PIWIL4: variants seen among roughly 807,000 people sequenced by gnomAD.
PIWIL4 encodes piwi like RNA-mediated gene silencing 4.
Under a neutral mutation model 100.9 loss-of-function variants are expected in PIWIL4, and 50 were observed. The observed-to-expected ratio is 0.50, with a 90% CI of 0.39 to 0.63. The LOEUF (loss-of-function observed/expected upper bound fraction) is 0.63, where lower values mean the gene tolerates loss of function less well. Among genes scored for constraint, PIWIL4 ranks in the 20% least tolerant of loss-of-function variants. The pLI, the probability that PIWIL4 is intolerant of heterozygous loss-of-function variation, is 0.00. For missense variants in PIWIL4, 887 were observed against 1,043.3 expected (o/e 0.85, Z 2.06); for synonymous variants, 342 against 367.5 (o/e 0.93, Z 0.79).
At chr11:94,606,180 G>A (rs1455799007) in intron 13 of PIWIL4, among the ~76,000 whole-genome samples, 1 of 152,164 alleles carries the variant, frequency 6.6e-6, no homozygotes, top group Non-Finnish European at 1.5e-5. Flanking sequence ...AGCCCCTGGT[G>A]TGGAACCAGT....
chr11:94,607,754 C>A, intron 14 of PIWIL4, 115 bp downstream of exon 14: 2 of 1,127,558 alleles, frequency 1.8e-6, no homozygotes, highest in Non-Finnish European at 1.2e-6. Flanking sequence ...TTTCTTGAGC[C>A]TTTGCCCTGG....
At chr11:94,574,895 T>C (rs1948216834) in intron 2 of PIWIL4, 104 bp from the exon 3 acceptor site, 1 of 1,239,370 alleles carries the variant, frequency 8.1e-7, no homozygotes, top group Non-Finnish European at 1.1e-6. Context: ...CAAACTGTAT[T>C]CAAAACCACA....
At chr11:94,573,437 G>T (rs1264495383) in intron 2 of PIWIL4, among the ~76,000 whole-genome samples, 1 of 152,130 alleles carries the variant, frequency 6.6e-6, no homozygotes, top group Non-Finnish European at 1.5e-5. Flanking sequence ...GTCATAGATA[G>T]CTCTTATTAT....
chr11:94,567,571 C>T lies in PIWIL4; in HGVS notation c.53C>T (p.Ala18Val). 6.2e-7 allele frequency: 1 copy of T among 1,607,508 alleles called. No individual in the cohort carries two copies. Among genetic ancestry groups the T allele is most frequent in the Non-Finnish European group, 8.5e-7 (1 of 1,177,168 alleles). ...KARGIARSPSATEVGRIQASP... is the reference protein window; with the variant it reads ...KARGIARSPSVTEVGRIQASP... ...AGAGGCATCGCCCGCAGCCCCAGTG[C>T]CACAGAAGTGGGGCGCATCCAAGCC... is the stretch of plus-strand genomic sequence containing the variant. Residue 18 changes from alanine to valine, a missense_variant, in exon 1 of 20, where the codon GCC becomes GTC. Coordinates refer to ENST00000299001, the MANE Select transcript of PIWIL4 (RefSeq NM_152431.3).
At chr11:94,620,497 G>A (rs528541499) in intron 19 of PIWIL4, among the ~76,000 whole-genome samples, 2 of 152,274 alleles carry the variant, frequency 1.3e-5, no homozygotes, top group African/African-American at 4.8e-5. Context: ...GTGCCTGGTG[G>A]GGAAGTGTTA....
At chr11:94,589,736 A>G (rs1017023339) in intron 8 of PIWIL4, among the ~76,000 whole-genome samples, 2 of 152,048 alleles carry the variant, frequency 1.3e-5, no homozygotes, top group Non-Finnish European at 2.9e-5. Context: ...ACACCCTTGC[A>G]TACTCAGCTC....
At chr11:94,570,009 G>A (rs1948128830) in intron 2 of PIWIL4, among the ~76,000 whole-genome samples, 2 of 152,118 alleles carry the variant, frequency 1.3e-5, no homozygotes, top group African/African-American at 2.4e-5. Flanking sequence ...AAATGCCAAT[G>A]CCATTGCTTG....
At chr11:94,586,277 GC>G in intron 6 of PIWIL4, among the ~76,000 whole-genome samples, 1 of 152,068 alleles carries the variant, frequency 6.6e-6, no homozygotes, top group East Asian at 1.9e-4. Flanking sequence ...GTACTAAACT[GC>G]CCTAGGTGCT....
chr11:94,567,808 T>A (rs996753495), intron 1 of PIWIL4: 4 of 1,199,354 alleles, frequency 3.3e-6, no homozygotes, highest in East Asian at 3.5e-5. Context: ...TTAACGTAGG[T>A]ATATTAGCCA....
intron 15 of PIWIL4, among the ~76,000 whole-genome samples, 167 bp downstream of exon 15, chr11:94,608,853 T>TG (rs1948756267): frequency 6.6e-6 from 1 of 152,256 alleles, no homozygotes; most frequent in Admixed American, 6.5e-5. Context: ...TTGATAATAT[T>TG]GGGGTACTAT....
Position 94,617,995 on chromosome 11 carries a change from G to A in PIWIL4, c.2056G>A (p.Ala686Thr). 6.2e-7 allele frequency: 1 copy of A among 1,613,744 alleles called. No homozygotes were observed. Among genetic ancestry groups the A allele is most frequent in the Non-Finnish European group, 8.5e-7 (1 of 1,179,784 alleles). Reference protein sequence around the residue: ...KWYKYNHDLPARIIVYRAGVG... With the variant: ...KWYKYNHDLPTRIIVYRAGVG... ...GTACAAGTACAATCATGATTTGCCA[G>A]CACGGATAATTGTGTACCGTGCTGG... The change falls in exon 17 of 20, where the codon GCA becomes ACA. Residue 686 changes from alanine (A) to threonine (T), a missense_variant. This residue lies in a region of PIWIL4 where 741 missense variants were observed against 930.0 expected (regional missense o/e 0.80). Transcript: ENST00000299001.
chr11:94,608,542 A>G (rs759165468), intron 14 of PIWIL4, 41 bp from the exon 15 acceptor site: 1 of 1,538,304 alleles, frequency 6.5e-7, no homozygotes, highest in Non-Finnish European at 9.0e-7. Flanking sequence ...AGGGGAAATG[A>G]TACCTCATCC....
At chr11:94,601,730 T>C (rs1463269489) in intron 11 of PIWIL4, 65 bp from the exon 12 acceptor site, 8 of 1,540,026 alleles carry the variant, frequency 5.2e-6, no homozygotes, top group Non-Finnish European at 7.1e-6. Flanking sequence ...ATCTTCACAC[T>C]GTCTTTATTT....
intron 8 of PIWIL4, 92 bp downstream of exon 8, chr11:94,589,324 G>C: frequency 9.3e-7 from 1 of 1,079,002 alleles, no homozygotes; most frequent in East Asian, 2.5e-5. Flanking sequence ...CAGATTGGAG[G>C]CTGAGTCTGC....
At chr11:94,609,901 A>G (rs1182787787) in intron 15 of PIWIL4, among the ~76,000 whole-genome samples, 1 of 151,940 alleles carries the variant, frequency 6.6e-6, no homozygotes, top group Non-Finnish European at 1.5e-5. Context: ...AGACTACTTA[A>G]GATCTACTCT....
At chr11:94,617,351 T>C (rs1236051433) in intron 16 of PIWIL4, among the ~76,000 whole-genome samples, 1 of 125,108 alleles carries the variant, frequency 8.0e-6, no homozygotes, top group Non-Finnish European at 1.8e-5. Flanking sequence ...TTTTAGCAGG[T>C]AATTTTTTTT....
At chr11:94,615,335 G>A (rs1408000247) in intron 15 of PIWIL4, among the ~76,000 whole-genome samples, 1 of 152,186 alleles carries the variant, frequency 6.6e-6, no homozygotes, top group Non-Finnish European at 1.5e-5. Context: ...GATCTGTCAT[G>A]GCACTGAGCT....
At chr11:94,569,319 G>A (rs1288108420) in intron 2 of PIWIL4, among the ~76,000 whole-genome samples, 1 of 151,838 alleles carries the variant, frequency 6.6e-6, no homozygotes, top group Admixed American at 6.6e-5. Flanking sequence ...AAGAATGAAA[G>A]CATGTCTTGT....
rs770851904 is a variant in PIWIL4 at position 94,597,878 on chromosome 11, T to C, written c.1343T>C (p.Ile448Thr). 4 of 1,613,990 alleles carry C rather than the reference T, an allele frequency of 2.5e-6. No homozygotes were observed. Residue 448 changes from isoleucine (I) to threonine (T), a missense_variant, in exon 11 of 20, where the codon ATT becomes ACT. Around this residue, in one of 2 missense-constraint regions of PIWIL4, gnomAD observed 741 missense variants for 930.0 expected, o/e 0.80. Transcript: ENST00000299001. ...FGSQISLTGR[I>T]VPSEKILMQD... ...AGCCAGATATCTCTGACTGGCCGGA[T>C]TGTGCCTTCAGAAAAAATATTAATG...
Sources: allele counts gnomAD v4.1 joint callset (sites outside exome capture counted in the v4.1 genomes callset), GRCh38; gene constraint gnomAD v4.1.1; regional missense constraint gnomAD v4.1.1; transcripts MANE v1.5; gene names NCBI Gene and HGNC (gene_info 2026-07-23, HGNC 2026-07-21).